Variants in SPAST observed in about 807,000 individuals in gnomAD.
The protein encoded by SPAST is spastin, also known as spastic paraplegia 4 (autosomal dominant; spastin).
Under a neutral mutation model 76.6 loss-of-function variants are expected in SPAST, and 30 were observed. The ratio of observed to expected loss-of-function variants is 0.39; its 90% CI spans 0.29 to 0.53. SPAST has a LOEUF of 0.53. Among genes scored for constraint, SPAST ranks in the 20% least tolerant of loss-of-function variants. The probability of loss-of-function intolerance (pLI) is 0.68; values close to 1 mark genes in which losing one functional copy is unlikely to be tolerated. For synonymous variants in SPAST, 305 were observed against 281.0 expected (o/e 1.09, Z -0.86); for missense variants, 717 against 770.5 (o/e 0.93, Z 0.82).
At chr2:32,085,391 T>C (rs902082245) in intron 1 of SPAST, among the ~76,000 whole-genome samples, 8 of 152,018 alleles carry the variant, frequency 5.3e-5, no homozygotes, top group Admixed American at 4.6e-4. Flanking sequence ...AATTTTTAAA[T>C]TTTTTGGTAG....
At chr2:32,071,391 C>T (rs1410852139) in intron 1 of SPAST, among the ~76,000 whole-genome samples, 1 of 152,132 alleles carries the variant, frequency 6.6e-6, no homozygotes, top group Non-Finnish European at 1.5e-5. Flanking sequence ...TTTTTCTGTT[C>T]ATAGTTTTAA....
At chr2:32,067,543 G>A (rs1212181771) in intron 1 of SPAST, among the ~76,000 whole-genome samples, 1 of 152,008 alleles carries the variant, frequency 6.6e-6, no homozygotes, top group Non-Finnish European at 1.5e-5. Flanking sequence ...TCTCAGGCTG[G>A]TGACTTAAAT....
intron 3 of SPAST, among the ~76,000 whole-genome samples, chr2:32,096,039 G>T (rs1390203549): frequency 2.0e-5 from 3 of 152,178 alleles, no homozygotes; most frequent in African/African-American, 7.2e-5. Flanking sequence ...TGTGGGGGTT[G>T]GATGTGAGGA....
At chr2:32,090,140 A>T (rs1163956362) in intron 3 of SPAST, among the ~76,000 whole-genome samples, 2 of 152,230 alleles carry the variant, frequency 1.3e-5, no homozygotes, top group Non-Finnish European at 2.9e-5. Context: ...ATTTATTTAT[A>T]CCAAGGGCTA....
At chr2:32,089,926 G>A (rs973243982) in intron 3 of SPAST, among the ~76,000 whole-genome samples, 2 of 152,024 alleles carry the variant, frequency 1.3e-5, no homozygotes, top group South Asian at 2.1e-4. Context: ...ACCACGCCCC[G>A]CTAATTTTTT....
rs754912349 is a variant in SPAST, at chr2:32,064,203, C to G, written c.372C>G (p.Phe124Leu). The G allele has an allele frequency of 1.3e-6, 2 of 1,550,484 alleles. No individual in the cohort carries two copies. The highest frequency in any genetic ancestry group is 2.0e-5 in the Admixed American group (1 of 50,874). ...TCCGAGTCTTCCACAAACAGGCCTT[C>G]GAGTACATCTCCATTGCCCTGCGCA... ...ERVRVFHKQA[F>L]EYISIALRID... Residue 124 changes from phenylalanine (F) to leucine (L), a missense_variant, in exon 1 of 17, where the codon TTC becomes TTG. Around this residue, in one of 3 missense-constraint regions of SPAST, gnomAD observed 543 missense variants for 445.2 expected, o/e 1.22. Transcript: ENST00000315285.
intron 16 of SPAST, among the ~76,000 whole-genome samples, chr2:32,147,832 C>T (rs537239026): frequency 6.0e-5 from 9 of 150,876 alleles, no homozygotes; most frequent in African/African-American, 2.2e-4. Flanking sequence ...GGGGTTTCAC[C>T]GTGTTAGCCA....
At chr2:32,117,944 T>C (rs1230439652) in intron 7 of SPAST, among the ~76,000 whole-genome samples, 1 of 152,198 alleles carries the variant, frequency 6.6e-6, no homozygotes, top group Non-Finnish European at 1.5e-5. Flanking sequence ...TTATGACTTA[T>C]TAAGGAAGAT....
chr2:32,117,920 T>G (rs116766118), intron 7 of SPAST, among the ~76,000 whole-genome samples: 2,294 of 152,266 alleles, frequency 0.015, 27 homozygotes, highest in Non-Finnish European at 0.02. Context: ...AAACCTAATC[T>G]TCCATCCCAT....
Position 32,091,468 on chromosome 2 carries a change from G to C in SPAST, c.586+1863G>C, listed in dbSNP as rs933412847. Among the ~76,000 whole-genome samples the C allele has an allele frequency of 2.0e-5, 3 of 150,236 alleles. 1 individual carries two copies. The highest frequency in any genetic ancestry group is 2.0e-4 in the Admixed American group (3 of 15,158). ...ATTTTTGTATTTTTAGTAGGGACGG[G>C]GTTTCACCATGTTGGCCAGGCTGGT... On this transcript the variant is annotated intron_variant, in intron 3 of 16. Transcript: ENST00000315285.
At chr2:32,072,927 A>T (rs911903349) in intron 1 of SPAST, among the ~76,000 whole-genome samples, 1 of 152,226 alleles carries the variant, frequency 6.6e-6, no homozygotes, top group Non-Finnish European at 1.5e-5. Context: ...CATTCAGATG[A>T]TACCATACTT....
chr2:32,117,682 C>G (rs950446412), intron 7 of SPAST, among the ~76,000 whole-genome samples: 1 of 151,876 alleles, frequency 6.6e-6, no homozygotes, highest in Non-Finnish European at 1.5e-5. Flanking sequence ...TAGGCATGCA[C>G]CCCAACACCT....
At chr2:32,114,179 AG>A (rs1678733663) in intron 4 of SPAST, among the ~76,000 whole-genome samples, 1 of 152,170 alleles carries the variant, frequency 6.6e-6, no homozygotes, top group African/African-American at 2.4e-5. Context: ...CCAAGGTGGG[AG>A]GATTGCCTGA....
At chr2:32,091,505 G>A (rs747621349) in intron 3 of SPAST, among the ~76,000 whole-genome samples, 10 of 149,610 alleles carry the variant, frequency 6.7e-5, no homozygotes, top group Non-Finnish European at 7.4e-5. Flanking sequence ...TCAAACTCCT[G>A]ACATCAAGTG....
chr2:32,064,867 A>T (rs1334938518), intron 1 of SPAST, among the ~76,000 whole-genome samples: 2 of 152,232 alleles, frequency 1.3e-5, no homozygotes, highest in Non-Finnish European at 2.9e-5. Context: ...TAATTAAAAC[A>T]GTATTCCAAA....
At chr2:32,084,038 C>T (rs1234415803) in intron 1 of SPAST, among the ~76,000 whole-genome samples, 1 of 150,842 alleles carries the variant, frequency 6.6e-6, no homozygotes, top group African/African-American at 2.4e-5. Context: ...TTCAGCCTCC[C>T]AAAAGTGCTG....
intron 4 of SPAST, among the ~76,000 whole-genome samples, chr2:32,102,354 G>A (rs1678157461): frequency 6.6e-6 from 1 of 152,230 alleles, no homozygotes; most frequent in Admixed American, 6.5e-5. Context: ...TTGCTTATCA[G>A]CTTAAGGAGA....
intron 4 of SPAST, among the ~76,000 whole-genome samples, chr2:32,102,321 T>G (rs1678156660): frequency 1.3e-5 from 2 of 152,260 alleles, no homozygotes; most frequent in African/African-American, 2.4e-5. Flanking sequence ...ACATTGATTT[T>G]GTATCCTGAG....
At chr2:32,110,838 T>G (rs1392512621) in intron 4 of SPAST, among the ~76,000 whole-genome samples, 2 of 108,978 alleles carry the variant, frequency 1.8e-5, no homozygotes, top group Non-Finnish European at 3.7e-5. Flanking sequence ...ATATACAGTA[T>G]ACTATATAGT....
Sources: gnomAD v4.1 joint callset for allele counts (sites outside exome capture counted in the v4.1 genomes callset) on GRCh38, gnomAD v4.1.1 for gene constraint, gnomAD v4.1.1 regional missense constraint, MANE v1.5 for transcripts, NCBI Gene and HGNC (gene_info 2026-07-23, HGNC 2026-07-21) for gene names.